The following PDE4D variants were observed in gnomAD, a reference collection of about 807,000 sequenced individuals.
PDE4D encodes the protein 3',5'-cyclic-AMP phosphodiesterase 4D.
PDE4D carries 24 observed loss-of-function variants against 87.4 expected under a neutral mutation model. The observed-to-expected ratio is 0.27, with a 90% confidence interval of 0.20 to 0.39. The LOEUF is 0.39. Ranked by LOEUF, PDE4D falls within the 10% of genes least tolerant of loss-of-function variation. PDE4D has a pLI of 1.00. For missense variants in PDE4D, 714 were observed against 1,041.0 expected (o/e 0.69, Z 4.32); for synonymous variants, 384 against 383.2 (o/e 1.00, Z -0.02).
At chr5:60,062,628 C>A (rs1226507324) in intron 2 of PDE4D, among the ~76,000 whole-genome samples, 2 of 152,062 alleles carry the variant, frequency 1.3e-5, no homozygotes, top group Non-Finnish European at 2.9e-5. Context: ...ATGTTTATTG[C>A]AGCATTATTT....
At chr5:59,587,106 G>T in intron 1 of PDE4D, 2 of 557,694 alleles carry the variant, frequency 3.6e-6, no homozygotes, top group Non-Finnish European at 4.6e-6. Flanking sequence ...TTCAGAAGAT[G>T]CTGTCACGAT....
chr5:60,148,001 T>A (rs965759406), intron 2 of PDE4D: 1 of 259,252 alleles, frequency 3.9e-6, no homozygotes, highest in Non-Finnish European at 7.9e-6. Context: ...TGATACAATT[T>A]GAAAGGAGAT....
intron 1 of PDE4D, chr5:59,275,641 T>C (rs1017385661): frequency 1.6e-6 from 2 of 1,227,432 alleles, no homozygotes; most frequent in Admixed American, 7.9e-5. Flanking sequence ...TGTTAGGAAG[T>C]GACAGTTTCT....
chr5:59,726,400 C>T (rs1329825959), intron 1 of PDE4D, among the ~76,000 whole-genome samples: 1 of 151,930 alleles, frequency 6.6e-6, no homozygotes, highest in Non-Finnish European at 1.5e-5. Context: ...GGAGATGGGT[C>T]TTTTGGGAGG....
chr5:59,517,850 G>A (rs1358572642), intron 1 of PDE4D, among the ~76,000 whole-genome samples: 1 of 152,130 alleles, frequency 6.6e-6, no homozygotes, highest in African/African-American at 2.4e-5. Context: ...GGCAATCTAA[G>A]TTGCTTTTGC....
chr5:60,074,319 A>C (rs1002321891), intron 2 of PDE4D, among the ~76,000 whole-genome samples: 1 of 152,164 alleles, frequency 6.6e-6, no homozygotes, highest in Non-Finnish European at 1.5e-5. Flanking sequence ...TTTAGTTTCC[A>C]TGTAACTGTA....
intron 1 of PDE4D, among the ~76,000 whole-genome samples, chr5:59,330,729 C>T (rs903424660): frequency 6.6e-6 from 1 of 152,102 alleles, no homozygotes; most frequent in Non-Finnish European, 1.5e-5. Flanking sequence ...ATTGAAATTT[C>T]ATATGTAGAC....
intron 1 of PDE4D, among the ~76,000 whole-genome samples, chr5:59,516,240 T>C (rs1041796084): frequency 6.6e-6 from 1 of 152,206 alleles, no homozygotes; most frequent in Non-Finnish European, 1.5e-5. Context: ...ATTTGCAAGA[T>C]TCCCTTTAGA....
intron 2 of PDE4D, among the ~76,000 whole-genome samples, chr5:60,050,541 A>C (rs1419232839): frequency 6.6e-6 from 1 of 152,202 alleles, no homozygotes; most frequent in Non-Finnish European, 1.5e-5. Flanking sequence ...GAAAGCACTA[A>C]ATTTGGAAAG....
At chr5:59,690,262 A>T (rs375196084) in intron 1 of PDE4D, among the ~76,000 whole-genome samples, 1 of 152,166 alleles carries the variant, frequency 6.6e-6, no homozygotes, top group Non-Finnish European at 1.5e-5. Flanking sequence ...CATTGCCAAG[A>T]CAATCCTAAG....
intron 2 of PDE4D, among the ~76,000 whole-genome samples, chr5:60,026,967 T>C (rs909878833): frequency 6.6e-6 from 1 of 152,206 alleles, no homozygotes; most frequent in African/African-American, 2.4e-5. Flanking sequence ...TGTCCCAAAG[T>C]ATAACTGTAT....
intron 1 of PDE4D, among the ~76,000 whole-genome samples, chr5:59,409,241 G>T (rs1447187005): frequency 6.6e-6 from 1 of 152,088 alleles, no homozygotes; most frequent in Non-Finnish European, 1.5e-5. Flanking sequence ...AATTTTACAG[G>T]CTCATAAGTG....
intron 1 of PDE4D, among the ~76,000 whole-genome samples, chr5:59,414,373 C>T (rs1043953380): frequency 2.6e-5 from 4 of 152,186 alleles, no homozygotes; most frequent in African/African-American, 4.8e-5. Flanking sequence ...CATCATGCTC[C>T]GCAGTCTTCA....
intron 1 of PDE4D, among the ~76,000 whole-genome samples, chr5:59,216,447 T>C (rs1751284133): frequency 6.6e-6 from 1 of 152,164 alleles, no homozygotes; most frequent in African/African-American, 2.4e-5. Flanking sequence ...CCATCCCTAC[T>C]ACCAATATTT....
chr5:59,074,707 C>T lies in PDE4D; in HGVS notation c.809-35736G>A, dbSNP rs535395478. 2.8e-4 allele frequency among the ~76,000 whole-genome samples: 43 copies of T among 152,222 alleles called. 3 individuals are homozygous for T. The South Asian group carries it at 8.7e-3, about 31-fold the overall frequency. The stretch of plus-strand genomic sequence containing the variant: ...TAGGGAGGCAGAGGTTGTAGTGAGC[C>T]AAGATCGTACCACTTCATTCCAGCC... On this transcript the variant is annotated intron_variant, in intron 5 of 14. Coordinates refer to ENST00000340635, the MANE Select transcript of PDE4D (RefSeq NM_001104631.2).
At position 59,086,684 on chromosome 5, in the gene PDE4D, A is replaced by G. The variant is rs144443406; in HGVS notation, c.809-47713T>C. On this transcript the variant is annotated intron_variant, in intron 5 of 14. Coordinates refer to ENST00000340635, the MANE Select transcript of PDE4D (RefSeq NM_001104631.2). ...TATTTCCAATACTGGCATTTACCCT[A>G]TCTGCAGTTTTTACTATCTTATGGA... Among the ~76,000 whole-genome samples the G allele has an allele frequency of 5.9e-5, 9 of 152,174 alleles. No individual in the cohort carries two copies. In the East Asian group the frequency reaches 1.2e-3, roughly 20 times the overall value.
At chr5:59,486,876 C>A (rs1043095222) in intron 1 of PDE4D, among the ~76,000 whole-genome samples, 12 of 152,120 alleles carry the variant, frequency 7.9e-5, no homozygotes, top group African/African-American at 2.4e-4. Flanking sequence ...ACTTGACATG[C>A]TTGTATTATT....
At chr5:60,222,153 G>T (rs144717393) in intron 1 of PDE4D, among the ~76,000 whole-genome samples, 2 of 152,216 alleles carry the variant, frequency 1.3e-5, no homozygotes, top group East Asian at 1.9e-4. Context: ...CTTCCACCTT[G>T]CTCTCTATTG....
intron 5 of PDE4D, among the ~76,000 whole-genome samples, chr5:59,137,967 T>C: frequency 6.6e-6 from 1 of 152,242 alleles, no homozygotes; most frequent in East Asian, 1.9e-4. Context: ...GCAGAAAATT[T>C]CAATTATTCC....
Sources: gnomAD v4.1 joint callset for allele counts (sites outside exome capture counted in the v4.1 genomes callset) on GRCh38, gnomAD v4.1.1 for gene constraint, MANE v1.5 for transcripts, NCBI Gene and HGNC (gene_info 2026-07-23, HGNC 2026-07-21) for gene names.